SCAF8: variants seen among roughly 807,000 people sequenced by gnomAD.
SCAF8 encodes SR-related CTD associated factor 8, also known as SR-related and CTD-associated factor 8.
SCAF8 carries 23 observed loss-of-function variants against 140.5 expected under a neutral mutation model. The ratio of observed to expected loss-of-function variants is 0.16; its 90% CI spans 0.12 to 0.23. The LOEUF (loss-of-function observed/expected upper bound fraction) is 0.23, where lower values mean the gene tolerates loss of function less well. SCAF8 is among the 10% of genes least tolerant of loss of function. The pLI, the probability that SCAF8 is intolerant of heterozygous loss-of-function variation, is 1.00. For missense variants in SCAF8, 1,397 were observed against 1,555.7 expected (o/e 0.90, Z 1.72); for synonymous variants, 575 against 528.9 (o/e 1.09, Z -1.20).
chr6:154,781,239 G>C (rs1777075630), intron 3 of SCAF8, among the ~76,000 whole-genome samples: 1 of 152,088 alleles, frequency 6.6e-6, no homozygotes, highest in Non-Finnish European at 1.5e-5. Context: ...CCCATTCACA[G>C]TTGCTACAAA....
At chr6:154,783,815 C>A (rs965920451) in intron 3 of SCAF8, among the ~76,000 whole-genome samples, 2 of 152,020 alleles carry the variant, frequency 1.3e-5, no homozygotes, top group Non-Finnish European at 2.9e-5. Flanking sequence ...CGCCTATAAT[C>A]CCAGCACTTT....
chr6:154,782,223 G>A (rs1362427395), intron 3 of SCAF8, among the ~76,000 whole-genome samples: 2 of 152,116 alleles, frequency 1.3e-5, no homozygotes, highest in African/African-American at 4.8e-5. Context: ...CTGGGCAAAC[G>A]TGGCAAAACC....
intron 1 of SCAF8, among the ~76,000 whole-genome samples, chr6:154,753,664 G>A (rs896863208): frequency 6.6e-6 from 1 of 152,102 alleles, no homozygotes; most frequent in African/African-American, 2.4e-5. Flanking sequence ...TGTATACAAT[G>A]TACATATTTA....
chr6:154,745,569 C>G (rs968445669), intron 1 of SCAF8, among the ~76,000 whole-genome samples: 4 of 151,938 alleles, frequency 2.6e-5, no homozygotes, highest in Non-Finnish European at 4.4e-5. Context: ...GAGAGGAGGT[C>G]GGGCTATGTT....
intron 1 of SCAF8, among the ~76,000 whole-genome samples, chr6:154,749,651 A>C (rs910962602): frequency 6.6e-6 from 1 of 152,192 alleles, no homozygotes; most frequent in African/African-American, 2.4e-5. Context: ...CTCATTGTCA[A>C]GGAAATTGCA....
Position 154,808,191 on chromosome 6 carries a change from T to C in SCAF8, c.1103T>C (p.Ile368Thr), listed in dbSNP as rs777676243. 13 of 1,613,156 alleles carry C rather than the reference T, an allele frequency of 8.1e-6. No individual in the cohort carries two copies. Among genetic ancestry groups the C allele is most frequent in the African/African-American group, 4.0e-5 (3 of 74,904 alleles). The change falls in exon 10 of 20, where the codon ATT becomes ACT. Residue 368 changes from isoleucine to threonine, a missense_variant. Physicochemically the swap from Ile to Thr is moderately conservative, Grantham distance 89. This residue lies in a region of SCAF8 where 339 missense variants were observed against 407.5 expected (regional missense o/e 0.83). Transcript: ENST00000367178. ...GTCAATTTGGATGATTCCATAGATA[T>C]TCAGCAACAGGTAAAAGTAAATGTT... The part of the protein sequence containing the change: ...PEVNLDDSID[I>T]QQQDMDIDEG...
chr6:154,739,220 G>A (rs78876244), intron 1 of SCAF8, among the ~76,000 whole-genome samples: 3 of 152,074 alleles, frequency 2.0e-5, no homozygotes, highest in East Asian at 1.9e-4. Context: ...TTGAACTCCC[G>A]GCCTTTAATG....
chr6:154,774,570 T>C (rs2114847082), intron 2 of SCAF8, among the ~76,000 whole-genome samples: 1 of 152,310 alleles, frequency 6.6e-6, no homozygotes, highest in South Asian at 2.1e-4. Flanking sequence ...AACCTTGAAA[T>C]TTGAGTTGGT....
chr6:154,747,016 T>A (rs1240809635), intron 1 of SCAF8, among the ~76,000 whole-genome samples: 1 of 152,174 alleles, frequency 6.6e-6, no homozygotes, highest in Non-Finnish European at 1.5e-5. Context: ...ATTCAGGGGC[T>A]TAGATATGGA....
chr6:154,738,938 G>A (rs1388587449), intron 1 of SCAF8, among the ~76,000 whole-genome samples: 1 of 152,100 alleles, frequency 6.6e-6, no homozygotes, highest in Non-Finnish European at 1.5e-5. Flanking sequence ...CAGTGGCAGT[G>A]CATGACCCAT....
chr6:154,813,813 A>T (rs1688336961), intron 12 of SCAF8, among the ~76,000 whole-genome samples: 1 of 152,076 alleles, frequency 6.6e-6, no homozygotes, highest in South Asian at 2.1e-4. Flanking sequence ...GTGATAATGA[A>T]AGGAGAGAGA....
Position 154,831,134 on chromosome 6 carries a change from A to G in SCAF8, c.2353A>G (p.Arg785Gly), listed in dbSNP as rs747087794. 5 of 1,568,882 alleles carry G rather than the reference A, an allele frequency of 3.2e-6. No homozygotes were observed. Among genetic ancestry groups the G allele is most frequent in the South Asian group, 1.1e-5 (1 of 87,992 alleles). ...DHQISSGENT[R>G]SVIPNDISSN... ...CCAGATTTCTTCTGGTGAAAACACCAGATCAGGTAAATAATAATAATAAAA... is the reference window on the plus strand; with the variant it reads ...CCAGATTTCTTCTGGTGAAAACACCGGATCAGGTAAATAATAATAATAAAA... Residue 785 changes from arginine (R) to glycine (G), a missense_variant, in exon 19 of 20, where the codon AGA becomes GGA. Physicochemically the swap from Arg to Gly is moderately radical, Grantham distance 125 (BLOSUM62 -2). Transcript: ENST00000367178.
intron 6 of SCAF8, among the ~76,000 whole-genome samples, chr6:154,800,885 G>A (rs1208856160): frequency 6.6e-6 from 1 of 151,416 alleles, no homozygotes; most frequent in East Asian, 1.9e-4. Flanking sequence ...TAAAGCAAGT[G>A]TTCTTATTTT....
intron 6 of SCAF8, among the ~76,000 whole-genome samples, chr6:154,799,584 C>T (rs1052452024): frequency 6.6e-6 from 1 of 151,180 alleles, no homozygotes; most frequent in African/African-American, 2.4e-5. Context: ...CTTTGCTTTG[C>T]TTTCTCACCT....
chr6:154,824,669 A>T (rs1778512026), intron 17 of SCAF8, among the ~76,000 whole-genome samples: 1 of 152,178 alleles, frequency 6.6e-6, no homozygotes, highest in African/African-American at 2.4e-5. Flanking sequence ...ATGGCCGGGC[A>T]TGGTGGCTCA....
At chr6:154,740,670 A>C (rs1218008748) in intron 1 of SCAF8, among the ~76,000 whole-genome samples, 3 of 143,390 alleles carry the variant, frequency 2.1e-5, no homozygotes, top group Non-Finnish European at 3.0e-5. Context: ...TCGAGGCTCG[A>C]GGGCAGTGGT....
At chr6:154,761,747 A>C (rs1418664398) in intron 1 of SCAF8, among the ~76,000 whole-genome samples, 2 of 152,070 alleles carry the variant, frequency 1.3e-5, no homozygotes, top group Non-Finnish European at 2.9e-5. Flanking sequence ...TTTATAAATA[A>C]ATTTGAAAAC....
Position 154,827,258 on chromosome 6 carries a change from A to G in SCAF8, c.2140+18A>G. 1 of 1,561,256 alleles carries G rather than the reference A, an allele frequency of 6.4e-7. No individual in the cohort carries two copies. Among genetic ancestry groups the G allele is most frequent in the Non-Finnish European group, 8.7e-7 (1 of 1,146,264 alleles). ...ACCAACATGTAAGTTTTCTACTTTT[A>G]GAGTTTTCTTTATTCATGGTAGTGT... On this transcript the variant is annotated intron_variant, in intron 18 of 19. Coordinates refer to ENST00000367178, the MANE Select transcript of SCAF8 (RefSeq NM_014892.5).
At chr6:154,798,433 C>G (rs1390822456) in intron 6 of SCAF8, among the ~76,000 whole-genome samples, 1 of 151,398 alleles carries the variant, frequency 6.6e-6, no homozygotes, top group Admixed American at 6.6e-5. Context: ...CCACCTGCAT[C>G]TTCATCTCAG....
Sources: allele counts gnomAD v4.1 joint callset (sites outside exome capture counted in the v4.1 genomes callset), GRCh38; gene constraint gnomAD v4.1.1; regional missense constraint gnomAD v4.1.1; transcripts MANE v1.5; gene names NCBI Gene and HGNC (gene_info 2026-07-23, HGNC 2026-07-21).